ELK3: variants seen among roughly 807,000 people sequenced by gnomAD.
The protein encoded by ELK3 is ETS transcription factor ELK3.
In ELK3, 10 loss-of-function variants were observed where a neutral mutation model predicts 28.9. That is an observed-to-expected ratio of 0.35 (90% CI 0.21 to 0.59). ELK3 has a LOEUF of 0.59. Among genes scored for constraint, ELK3 ranks in the 20% least tolerant of loss-of-function variants. ELK3 has a pLI of 0.82. For synonymous variants in ELK3, 272 were observed against 243.5 expected, an observed-to-expected ratio of 1.12 and a Z score of -1.09; for missense variants, 463 against 517.3, an observed-to-expected ratio of 0.90 and a Z score of 1.02.
intron 2 of ELK3, among the ~76,000 whole-genome samples, chr12:96,233,746 A>C (rs1951760058): frequency 6.6e-6 from 1 of 152,250 alleles, no homozygotes; most frequent in Non-Finnish European, 1.5e-5. Context: ...ACAAACATCC[A>C]GCAGGCATTC....
chr12:96,202,731 T>G (rs548470128), intron 1 of ELK3, among the ~76,000 whole-genome samples: 50 of 152,170 alleles, frequency 3.3e-4, no homozygotes, highest in African/African-American at 1.2e-3. Flanking sequence ...TTCGCCATGT[T>G]GGCCAGGCTG....
chr12:96,235,083 G>A (rs1951771624), intron 2 of ELK3, among the ~76,000 whole-genome samples: 1 of 152,088 alleles, frequency 6.6e-6, no homozygotes, highest in Admixed American at 6.6e-5. Context: ...CCTATGGAAA[G>A]TACTGGAGCG....
intron 1 of ELK3, among the ~76,000 whole-genome samples, chr12:96,196,251 C>T (rs972915979): frequency 2.0e-5 from 3 of 152,276 alleles, no homozygotes; most frequent in South Asian, 2.1e-4. Flanking sequence ...GGTGCAGCCG[C>T]CCAACGAGCC....
intron 1 of ELK3, among the ~76,000 whole-genome samples, chr12:96,219,841 A>T (rs147491046): frequency 2.0e-5 from 3 of 152,196 alleles, no homozygotes; most frequent in South Asian, 2.1e-4. Context: ...GGAAGGCTAC[A>T]TGACTGCCCA....
intron 1 of ELK3, among the ~76,000 whole-genome samples, chr12:96,220,801 T>C (rs368765022): frequency 1.4e-4 from 22 of 152,202 alleles, no homozygotes; most frequent in African/African-American, 5.1e-4. Flanking sequence ...AGTCAGCTTT[T>C]GCTGCAGTGG....
At chr12:96,246,210 C>G (rs554773773) in intron 2 of ELK3, among the ~76,000 whole-genome samples, 28 of 152,268 alleles carry the variant, frequency 1.8e-4, no homozygotes, top group Admixed American at 3.9e-4. Context: ...GCTGCCTCTA[C>G]CACTTCACTT....
chr12:96,242,047 C>G (rs1951825203), intron 2 of ELK3, among the ~76,000 whole-genome samples: 1 of 152,250 alleles, frequency 6.6e-6, no homozygotes. Context: ...GAGATGCACT[C>G]AGCTCCACCC....
chr12:96,202,536 T>TC (rs1951514085), intron 1 of ELK3, among the ~76,000 whole-genome samples: 1 of 150,114 alleles, frequency 6.7e-6, no homozygotes, highest in Admixed American at 6.6e-5. Flanking sequence ...TTTTTTTTTT[T>TC]TTTTTTGAGA....
rs183370544 is a variant in ELK3 at position 96,202,355 on chromosome 12, A to G, written c.-3+7650A>G. On this transcript the variant is annotated intron_variant, in intron 1 of 4. Transcript: ENST00000228741. ...CTGGGTCTTTGTCAATACTGACAGA[A>G]TTTTCCCCCCGACCCCTCTATTTTT... is the stretch of plus-strand genomic sequence containing the variant. Among the ~76,000 whole-genome samples, 1,200 of 152,050 alleles carry G rather than the reference A, an allele frequency of 7.9e-3. 58 individuals carry two copies. Among genetic ancestry groups the G allele is most frequent in the East Asian group, 2.1e-3 (11 of 5,180 alleles).
intron 1 of ELK3, among the ~76,000 whole-genome samples, chr12:96,222,484 G>A (rs1425271790): frequency 1.3e-5 from 2 of 152,216 alleles, no homozygotes; most frequent in Admixed American, 6.5e-5. Context: ...CTGCAGCATG[G>A]TGAGTGCCGG....
chr12:96,241,478 T>C (rs191200339), intron 2 of ELK3, among the ~76,000 whole-genome samples: 88 of 151,758 alleles, frequency 5.8e-4, no homozygotes, highest in Middle Eastern at 3.4e-3. Context: ...AAACACACTG[T>C]GGACAGCCAT....
At chr12:96,215,317 G>A (rs1240153455) in intron 1 of ELK3, among the ~76,000 whole-genome samples, 1 of 152,196 alleles carries the variant, frequency 6.6e-6, no homozygotes, top group African/African-American at 2.4e-5. Flanking sequence ...CTCATACTTT[G>A]CATAAGGGGT....
chr12:96,256,418 G>A (rs1274417475), intron 3 of ELK3, among the ~76,000 whole-genome samples: 2 of 152,162 alleles, frequency 1.3e-5, no homozygotes, highest in Non-Finnish European at 2.9e-5. Context: ...GTGCCTACAC[G>A]GTGGTCCTGT....
intron 3 of ELK3, among the ~76,000 whole-genome samples, chr12:96,256,644 G>T (rs1951951135): frequency 6.6e-6 from 1 of 152,164 alleles, no homozygotes; most frequent in African/African-American, 2.4e-5. Context: ...GCTACAGAAA[G>T]AATAAGAAAA....
At chr12:96,200,147 A>G (rs1951499547) in intron 1 of ELK3, among the ~76,000 whole-genome samples, 1 of 152,204 alleles carries the variant, frequency 6.6e-6, no homozygotes, top group African/African-American at 2.4e-5. Context: ...AATTAGATCG[A>G]GGTAATTAGA....
chr12:96,196,085 G>A (rs1164678511), intron 1 of ELK3, among the ~76,000 whole-genome samples: 1 of 152,152 alleles, frequency 6.6e-6, no homozygotes, highest in East Asian at 1.9e-4. Flanking sequence ...GGAAGAGAGA[G>A]CCCCCTTAGT....
At chr12:96,231,824 C>G (rs371139413) in intron 2 of ELK3, among the ~76,000 whole-genome samples, 3 of 152,214 alleles carry the variant, frequency 2.0e-5, no homozygotes, top group East Asian at 3.9e-4. Context: ...TTGACACGGC[C>G]TCTTCTTTCA....
In ELK3 at chr12:96,268,718, G is replaced by C. The variant is rs185081290; in HGVS notation, c.*1538G>C. ...TGAGAAAGGATAAAAAAAGAGATTTGAGAAAACACATTTCTTGAATTTTCA... is the reference window on the plus strand; with the variant it reads ...TGAGAAAGGATAAAAAAAGAGATTTCAGAAAACACATTTCTTGAATTTTCA... On this transcript the variant is annotated 3_prime_UTR_variant, in exon 5 of 5. Transcript: ENST00000228741. The C allele has an allele frequency of 6.8e-4, 104 of 152,272 alleles. No homozygotes were observed. Among genetic ancestry groups the C allele is most frequent in the African/African-American group, 2.2e-3 (92 of 41,550 alleles). The allele number at this position is 152,272 out of a possible 1,614,324, so 9.4% of individuals were successfully genotyped here. A position where few individuals can be genotyped will look rare whatever the true frequency, so the allele number is the denominator to read the frequency against.
chr12:96,220,623 C>G (rs925145462), intron 1 of ELK3, among the ~76,000 whole-genome samples: 3 of 151,934 alleles, frequency 2.0e-5, no homozygotes, highest in Non-Finnish European at 4.4e-5. Context: ...TCCTCCTGAC[C>G]TCAGGTAATC....
Sources: allele counts gnomAD v4.1 joint callset (sites outside exome capture counted in the v4.1 genomes callset), GRCh38; gene constraint gnomAD v4.1.1; transcripts MANE v1.5; gene names NCBI Gene and HGNC (gene_info 2026-07-23, HGNC 2026-07-21).